The following PLCB1 variants were observed in gnomAD, a reference collection of about 807,000 sequenced individuals.
PLCB1 encodes the protein phospholipase C beta 1.
In PLCB1, 46 loss-of-function variants were observed where a neutral mutation model predicts 161.8. The observed-to-expected ratio is 0.28, with a 90% CI of 0.22 to 0.36. PLCB1 has a LOEUF of 0.36. Ranked by LOEUF, PLCB1 falls within the 10% of genes least tolerant of loss-of-function variation. The pLI is 1.00. For synonymous variants in PLCB1, 517 were observed against 503.7 expected (o/e 1.03, Z -0.35); for missense variants, 1,016 against 1,472.5 (o/e 0.69, Z 5.07).
chr20:8,734,037 A>T (rs1345844738), intron 19 of PLCB1, among the ~76,000 whole-genome samples: 2 of 139,808 alleles, frequency 1.4e-5, no homozygotes, highest in African/African-American at 2.6e-5. Context: ...CTGAGACAGG[A>T]GAATGGCGTG....
intron 2 of PLCB1, among the ~76,000 whole-genome samples, chr20:8,285,384 A>G (rs1983066943): frequency 6.6e-6 from 1 of 151,982 alleles, no homozygotes; most frequent in African/African-American, 2.4e-5. Flanking sequence ...GAACATAGAG[A>G]CTATGAAGTA....
At chr20:8,228,878 A>T (rs1053706360) in intron 2 of PLCB1, among the ~76,000 whole-genome samples, 1 of 152,070 alleles carries the variant, frequency 6.6e-6, no homozygotes, top group African/African-American at 2.4e-5. Flanking sequence ...TCAGAAGCTC[A>T]CAATTTGTTT....
chr20:8,283,274 G>A (rs1456619271), intron 2 of PLCB1, among the ~76,000 whole-genome samples: 1 of 152,082 alleles, frequency 6.6e-6, no homozygotes, highest in Non-Finnish European at 1.5e-5. Context: ...AAGAAAAGAA[G>A]ACTGGTTATT....
chr20:8,444,294 G>GT (rs1241593115), intron 3 of PLCB1, among the ~76,000 whole-genome samples: 2 of 151,976 alleles, frequency 1.3e-5, no homozygotes, highest in Non-Finnish European at 2.9e-5. Context: ...GCAGTGTTTG[G>GT]TTTTTTGTCC....
At chr20:8,522,272 C>T (rs1646920097) in intron 3 of PLCB1, among the ~76,000 whole-genome samples, 2 of 152,132 alleles carry the variant, frequency 1.3e-5, no homozygotes, top group African/African-American at 4.8e-5. Context: ...TCCTGAGAGC[C>T]CTTCTTCAAT....
intron 3 of PLCB1, among the ~76,000 whole-genome samples, chr20:8,548,256 C>T (rs1332897297): frequency 1.5e-5 from 2 of 129,960 alleles, no homozygotes; most frequent in Admixed American, 1.7e-4. Flanking sequence ...CTCTTTTTCA[C>T]CCTTCCTTCC....
intron 3 of PLCB1, among the ~76,000 whole-genome samples, chr20:8,557,072 A>C (rs1985987741): frequency 6.6e-6 from 1 of 151,638 alleles, no homozygotes; most frequent in Non-Finnish European, 1.5e-5. Flanking sequence ...AGATGAGGGA[A>C]ACTGTAACCC....
chr20:8,137,100 C>T (rs1200672214), intron 1 of PLCB1, among the ~76,000 whole-genome samples: 1 of 152,096 alleles, frequency 6.6e-6, no homozygotes, highest in Non-Finnish European at 1.5e-5. Context: ...CAAGTAACTC[C>T]CTCCTTTACC....
intron 9 of PLCB1, among the ~76,000 whole-genome samples, chr20:8,675,165 C>A (rs970725650): frequency 6.6e-6 from 1 of 152,076 alleles, no homozygotes; most frequent in African/African-American, 2.4e-5. Context: ...CTCAGAAAAT[C>A]AAAGGTCAGC....
chr20:8,640,110 A>C (rs1483542535), intron 4 of PLCB1, among the ~76,000 whole-genome samples: 4 of 152,242 alleles, frequency 2.6e-5, no homozygotes, highest in Admixed American at 2.0e-4. Flanking sequence ...GGAAGGTATA[A>C]TTAAGGTAAT....
rs369578844 is a variant in PLCB1, at chr20:8,708,654, G to A, written c.1168-16G>A. On this transcript the variant is annotated splice_polypyrimidine_tract_variant and intron_variant, in intron 11 of 31. Coordinates refer to ENST00000338037, the MANE Select transcript of PLCB1 (RefSeq NM_015192.4). ...AAATTCTGGCATACTGAATATACAT[G>A]TGTTCTCATTTTTAGGAAGTGATAG... is the stretch of plus-strand genomic sequence containing the variant. 7.1e-6 allele frequency: 11 copies of A among 1,545,734 alleles called. No individual in the cohort carries two copies. In the African/African-American group the frequency reaches 9.5e-5, roughly 13 times the overall value.
intron 3 of PLCB1, among the ~76,000 whole-genome samples, chr20:8,569,308 G>T (rs1006503813): frequency 6.6e-6 from 1 of 152,148 alleles, no homozygotes; most frequent in African/African-American, 2.4e-5. Context: ...TTCCCCAAAA[G>T]ATAAATGTTA....
intron 2 of PLCB1, among the ~76,000 whole-genome samples, chr20:8,273,621 C>T (rs1431360536): frequency 6.6e-6 from 1 of 152,144 alleles, no homozygotes; most frequent in African/African-American, 2.4e-5. Flanking sequence ...ATATAAAGAA[C>T]TGCCTCTTAT....
intron 2 of PLCB1, among the ~76,000 whole-genome samples, chr20:8,227,911 C>T (rs925473520): frequency 6.6e-6 from 1 of 152,104 alleles, no homozygotes; most frequent in African/African-American, 2.4e-5. Flanking sequence ...AAAAATATAT[C>T]TAATGATATA....
intron 2 of PLCB1, among the ~76,000 whole-genome samples, chr20:8,219,717 TA>T (rs1384274154): frequency 5.9e-5 from 9 of 152,196 alleles, no homozygotes; most frequent in Non-Finnish European, 1.3e-4. Flanking sequence ...ATTCTAGAGT[TA>T]AGTTCGCTTG....
At chr20:8,644,733 G>T (rs1468654445) in intron 4 of PLCB1, among the ~76,000 whole-genome samples, 3 of 148,308 alleles carry the variant, frequency 2.0e-5, no homozygotes, top group African/African-American at 5.0e-5. Context: ...CCTGCCAGCC[G>T]CCCCGCCCGG....
At chr20:8,428,201 C>T (rs1034859207) in intron 3 of PLCB1, among the ~76,000 whole-genome samples, 44 of 148,880 alleles carry the variant, frequency 3.0e-4, no homozygotes, top group Non-Finnish European at 1.2e-4. Flanking sequence ...CTGAGGACAA[C>T]TGTAAGGGTA....
intron 3 of PLCB1, among the ~76,000 whole-genome samples, chr20:8,460,053 G>A (rs1981507249): frequency 6.6e-6 from 1 of 152,154 alleles, no homozygotes; most frequent in African/African-American, 2.4e-5. Flanking sequence ...AGACTTAAGG[G>A]CAGATTTCAG....
At chr20:8,319,329 G>C (rs1011894005) in intron 2 of PLCB1, among the ~76,000 whole-genome samples, 1 of 152,064 alleles carries the variant, frequency 6.6e-6, no homozygotes, top group African/African-American at 2.4e-5. Flanking sequence ...TTCTGGGCTG[G>C]CTCACTCATA....
Sources: gnomAD v4.1 joint callset for allele counts (sites outside exome capture counted in the v4.1 genomes callset) on GRCh38, gnomAD v4.1.1 for gene constraint, MANE v1.5 for transcripts, NCBI Gene and HGNC (gene_info 2026-07-23, HGNC 2026-07-21) for gene names.